The following CNTN3 variants were observed in gnomAD, a reference collection of about 807,000 sequenced individuals.
The protein encoded by CNTN3 is contactin-3.
Under a neutral mutation model 119.1 loss-of-function variants are expected in CNTN3, and 60 were observed. The observed-to-expected ratio is 0.50, with a 90% confidence interval of 0.41 to 0.62. The LOEUF (loss-of-function observed/expected upper bound fraction) is 0.62, where lower values mean the gene tolerates loss of function less well. Ranked by LOEUF, CNTN3 falls within the 20% of genes least tolerant of loss-of-function variation. CNTN3 has a pLI of 0.00. For missense variants in CNTN3, 1,101 were observed against 1,242.4 expected (o/e 0.89, Z 1.71); for synonymous variants, 450 against 438.7 (o/e 1.03, Z -0.32).
chr3:74,389,636 G>T lies in CNTN3; in HGVS notation c.455-18237C>A, dbSNP rs1016016421. Among the ~76,000 whole-genome samples, 8 of 152,042 alleles carry T rather than the reference G, an allele frequency of 5.3e-5. No homozygotes were observed. The East Asian group carries it at 1.4e-3, about 26-fold the overall frequency. On this transcript the variant is annotated intron_variant, in intron 5 of 22. Transcript: ENST00000263665. ...TTCACACCATCCCATCAGGTAGTAG[G>T]TATTATCCCCATTTTACTGATGAGA...
chr3:74,354,240 T>G lies in CNTN3; in HGVS notation c.1364+7650A>C, dbSNP rs1171960406. Among the ~76,000 whole-genome samples, 3 of 152,108 alleles carry G rather than the reference T, an allele frequency of 2.0e-5. No homozygotes were observed. The East Asian group carries it at 5.8e-4, about 29-fold the overall frequency. On this transcript the variant is annotated intron_variant, in intron 11 of 22. Transcript: ENST00000263665. ...TAAAACATTTGAAATAATTTTAATGTGTTAATTAGAAGCAATGAGCCATTC... is the reference window on the plus strand; with the variant it reads ...TAAAACATTTGAAATAATTTTAATGGGTTAATTAGAAGCAATGAGCCATTC...
chr3:74,564,074 T>C (rs1302399771), intron 1 of CNTN3, among the ~76,000 whole-genome samples: 1 of 152,074 alleles, frequency 6.6e-6, no homozygotes, highest in Non-Finnish European at 1.5e-5. Flanking sequence ...CAATAAAAAA[T>C]GCGATGAAAT....
intron 2 of CNTN3, among the ~76,000 whole-genome samples, chr3:74,512,753 C>T (rs13073518): frequency 0.6 from 87,916 of 145,376 alleles, 26,596 homozygotes; most frequent in Middle Eastern, 0.68. Context: ...CTTGTATATA[C>T]TGCAGTAAAA....
intron 20 of CNTN3, among the ~76,000 whole-genome samples, chr3:74,267,700 C>T (rs1379579539): frequency 6.6e-6 from 1 of 152,044 alleles, no homozygotes; most frequent in East Asian, 1.9e-4. Flanking sequence ...TTATCATGCT[C>T]ATCATACACT....
In CNTN3 at chr3:74,424,838, G is replaced by T; in HGVS notation, c.454+7C>A. The T allele has an allele frequency of 6.2e-7, 1 of 1,612,098 alleles. No individual in the cohort carries two copies. The highest frequency in any genetic ancestry group is 1.1e-5 in the South Asian group (1 of 90,950). On this transcript the variant is annotated splice_region_variant and intron_variant, in intron 5 of 22. Transcript: ENST00000263665. ...AATATGAAAAGCAGAAACAGAGCATGACTTACCTCCAGAGTGTGGTGGGGG... is the reference window on the plus strand; with the variant it reads ...AATATGAAAAGCAGAAACAGAGCATTACTTACCTCCAGAGTGTGGTGGGGG...
At chr3:74,533,403 A>C (rs4677410) in intron 1 of CNTN3, among the ~76,000 whole-genome samples, 1 of 151,956 alleles carries the variant, frequency 6.6e-6, no homozygotes, top group Non-Finnish European at 1.5e-5. Context: ...TCAGAGGATC[A>C]CTTCACTCCC....
At chr3:74,607,888 G>A (rs1254854452) in intron 1 of CNTN3, among the ~76,000 whole-genome samples, 2 of 152,040 alleles carry the variant, frequency 1.3e-5, no homozygotes, top group East Asian at 3.9e-4. Flanking sequence ...AACCGTGTAG[G>A]GCTATACACA....
At chr3:74,451,339 T>C (rs1410196643) in intron 4 of CNTN3, among the ~76,000 whole-genome samples, 1 of 152,188 alleles carries the variant, frequency 6.6e-6, no homozygotes, top group East Asian at 1.9e-4. Flanking sequence ...TTCATGTCCA[T>C]TGCCCCCTTT....
At chr3:74,301,184 G>A (rs897990807) in intron 16 of CNTN3, among the ~76,000 whole-genome samples, 1 of 152,108 alleles carries the variant, frequency 6.6e-6, no homozygotes, top group Admixed American at 6.5e-5. Context: ...ATTTACAATG[G>A]ACTGAACTCT....
chr3:74,485,136 C>CAT (rs138344321), intron 4 of CNTN3, among the ~76,000 whole-genome samples: 3,048 of 151,424 alleles, frequency 0.02, 94 homozygotes, highest in African/African-American at 0.07. Context: ...CATATCCAAA[C>CAT]ATATATATAT....
chr3:74,283,108 C>T (rs186129833), intron 20 of CNTN3, among the ~76,000 whole-genome samples: 75 of 152,160 alleles, frequency 4.9e-4, no homozygotes, highest in African/African-American at 1.7e-3. Flanking sequence ...AGCAAAATCA[C>T]AATAAATAAA....
chr3:74,307,232 C>T (rs1702583133), intron 13 of CNTN3, among the ~76,000 whole-genome samples: 1 of 151,992 alleles, frequency 6.6e-6, no homozygotes, highest in African/African-American at 2.4e-5. Flanking sequence ...TAATCTGTCC[C>T]CAGAAAATAA....
chr3:74,505,310 C>A (rs747607840), intron 2 of CNTN3, among the ~76,000 whole-genome samples: 37 of 152,088 alleles, frequency 2.4e-4, no homozygotes, highest in Middle Eastern at 3.4e-3. Context: ...AGATAAAAGT[C>A]TCTACTCTGA....
At chr3:74,594,273 C>CTTTTTTTTTTTTTTTTTTCTTTTTTTT (rs59436860) in intron 1 of CNTN3, among the ~76,000 whole-genome samples, 2 of 112,048 alleles carry the variant, frequency 1.8e-5, no homozygotes, top group Admixed American at 8.9e-5. Context: ...TTCTTTTTTT[C>CTTTTTTTTTTTTTTTTTTCTTTTTTTT]TTTTTTTTTT....
chr3:74,306,617 T>C (rs1702568230), intron 13 of CNTN3, among the ~76,000 whole-genome samples: 1 of 152,184 alleles, frequency 6.6e-6, no homozygotes, highest in Admixed American at 6.5e-5. Context: ...TGTAATTCTG[T>C]TTTCCAGAAA....
At chr3:74,606,812 G>T (rs991009242) in intron 1 of CNTN3, among the ~76,000 whole-genome samples, 1 of 152,010 alleles carries the variant, frequency 6.6e-6, no homozygotes, top group African/African-American at 2.4e-5. Flanking sequence ...CATATATTAA[G>T]ACCCTTTTGT....
At chr3:74,439,778 A>C (rs1460920228) in intron 4 of CNTN3, among the ~76,000 whole-genome samples, 1 of 152,192 alleles carries the variant, frequency 6.6e-6, no homozygotes, top group Admixed American at 6.5e-5. Context: ...TGAAAAAGAT[A>C]ATATGTCCAA....
chr3:74,504,041 T>C (rs1411967418), intron 2 of CNTN3, among the ~76,000 whole-genome samples: 1 of 152,098 alleles, frequency 6.6e-6, no homozygotes, highest in African/African-American at 2.4e-5. Flanking sequence ...TCTATACAAT[T>C]TTTATGAAGA....
At chr3:74,307,515 A>G (rs1048514998) in intron 13 of CNTN3, among the ~76,000 whole-genome samples, 1 of 152,180 alleles carries the variant, frequency 6.6e-6, no homozygotes, top group Non-Finnish European at 1.5e-5. Context: ...ATGAAATAGG[A>G]GAGGATATGA....
Sources: gnomAD v4.1 joint callset for allele counts (sites outside exome capture counted in the v4.1 genomes callset) on GRCh38, gnomAD v4.1.1 for gene constraint, MANE v1.5 for transcripts, NCBI Gene and HGNC (gene_info 2026-07-23, HGNC 2026-07-21) for gene names.